SGK1: variants seen among roughly 807,000 people sequenced by gnomAD.
The protein encoded by SGK1 is serine/threonine-protein kinase Sgk1.
Under a neutral mutation model 64.2 loss-of-function variants are expected in SGK1, and 26 were observed. The observed-to-expected ratio is 0.40, with a 90% CI of 0.30 to 0.56. The LOEUF (loss-of-function observed/expected upper bound fraction) is 0.56, where lower values mean the gene tolerates loss of function less well. Ranked by LOEUF, SGK1 falls within the 20% of genes least tolerant of loss-of-function variation. The probability of loss-of-function intolerance (pLI) is 0.38; values close to 1 mark genes in which losing one functional copy is unlikely to be tolerated. For synonymous variants in SGK1, 265 were observed against 239.7 expected (o/e 1.11, Z -0.98); for missense variants, 519 against 645.6 (o/e 0.80, Z 2.12).
intron 5 of SGK1, 131 bp downstream of exon 5, chr6:134,173,874 T>C (rs1394893896): frequency 2.9e-6 from 2 of 682,326 alleles, no homozygotes; most frequent in African/African-American, 3.6e-5. Flanking sequence ...TTATATCACT[T>C]GTTATGCCAT....
chr6:134,278,301 A>G (rs1301966851), intron 1 of SGK1, among the ~76,000 whole-genome samples: 1 of 152,284 alleles, frequency 6.6e-6, no homozygotes, highest in Non-Finnish European at 1.5e-5. Flanking sequence ...AAGGCTTTTA[A>G]GATAATTTTA....
intron 3 of SGK1, among the ~76,000 whole-genome samples, chr6:134,181,171 G>A (rs1261336957): frequency 6.6e-6 from 1 of 152,092 alleles, no homozygotes; most frequent in African/African-American, 2.4e-5. Flanking sequence ...TAACTGACAC[G>A]AAGGCAATAT....
intron 3 of SGK1, among the ~76,000 whole-genome samples, chr6:134,189,885 T>C (rs180853134): frequency 6.6e-6 from 1 of 152,368 alleles, no homozygotes; most frequent in African/African-American, 2.4e-5. Flanking sequence ...AGTCTCACTC[T>C]GTCACCCAGG....
At chr6:134,170,718 G>A (rs1029352395) in intron 13 of SGK1, 108 bp downstream of exon 13, 9 of 807,676 alleles carry the variant, frequency 1.1e-5, no homozygotes, top group African/African-American at 3.4e-5. Flanking sequence ...CAGGTTTATG[G>A]AGAAAACATC....
At chr6:134,295,208 ATGGT>A (rs755284477) in intron 1 of SGK1, among the ~76,000 whole-genome samples, 141 of 152,270 alleles carry the variant, frequency 9.3e-4, no homozygotes, top group Non-Finnish European at 1.9e-3. Flanking sequence ...GCTATTCTGC[ATGGT>A]TGGAGAATGG....
At chr6:134,269,017 A>T (rs1475587653) in intron 1 of SGK1, among the ~76,000 whole-genome samples, 3 of 146,206 alleles carry the variant, frequency 2.1e-5, no homozygotes, top group African/African-American at 7.4e-5. Context: ...GATTAAAGAG[A>T]TTGGCTGGCT....
chr6:134,196,482 A>T (rs1416895635), intron 3 of SGK1, among the ~76,000 whole-genome samples: 1 of 151,486 alleles, frequency 6.6e-6, no homozygotes, highest in African/African-American at 2.4e-5. Context: ...AATTAAAATA[A>T]TAATAATAAA....
chr6:134,293,054 T>C (rs1272966033), intron 1 of SGK1, among the ~76,000 whole-genome samples: 1 of 152,224 alleles, frequency 6.6e-6, no homozygotes, highest in Non-Finnish European at 1.5e-5. Context: ...TGTTTTCATC[T>C]GTGTGCCATA....
intron 1 of SGK1, among the ~76,000 whole-genome samples, chr6:134,314,177 A>G (rs1358269006): frequency 6.7e-6 from 1 of 148,608 alleles, no homozygotes; most frequent in Non-Finnish European, 1.5e-5. Context: ...AATCCAAAGG[A>G]TTTTGTAGAA....
intron 2 of SGK1, among the ~76,000 whole-genome samples, chr6:134,248,445 CTTT>C (rs34315643): frequency 3.9e-3 from 406 of 102,986 alleles, no homozygotes; most frequent in Middle Eastern, 0.016. Flanking sequence ...TCTCCTCCGC[CTTT>C]TTTTTTTTTT....
Position 134,318,112 on chromosome 6 carries a change from T to C in SGK1, c.-652A>G, listed in dbSNP as rs1777715671. The C allele has an allele frequency of 6.6e-6, 1 of 151,426 alleles. No homozygotes were observed. The highest frequency in any genetic ancestry group is 2.4e-5 in the African/African-American group (1 of 41,186). 9.4% of individuals were successfully genotyped at this position (151,426 alleles called of 1,614,324 possible). On this transcript the variant is annotated 5_prime_UTR_variant, in exon 1 of 14. Coordinates refer to ENST00000367858, the MANE Select transcript of SGK1 (RefSeq NM_001143676.3). ...GGCTCAGGGCACACTGAAGAGCAGTTGACTCCCCTTGGGAGGGTTACTTTA... is the reference window on the plus strand; with the variant it reads ...GGCTCAGGGCACACTGAAGAGCAGTCGACTCCCCTTGGGAGGGTTACTTTA...
intron 2 of SGK1, chr6:134,259,751 G>A (rs1776735844): frequency 1.3e-5 from 2 of 152,198 alleles, no homozygotes; most frequent in African/African-American, 4.8e-5. Context: ...TAGATAAAAA[G>A]TTGACTCTAT....
At chr6:134,247,094 T>C (rs766808843) in intron 2 of SGK1, among the ~76,000 whole-genome samples, 2 of 152,116 alleles carry the variant, frequency 1.3e-5, no homozygotes, top group Non-Finnish European at 2.9e-5. Flanking sequence ...TTGTTCTTAC[T>C]GTCCCTTCTA....
Position 134,218,989 on chromosome 6 carries a change from G to GC in SGK1, c.286-11559_286-11558insG, listed in dbSNP as rs917983901. 1.2e-4 allele frequency among the ~76,000 whole-genome samples: 18 copies of GC among 151,082 alleles called. 1 individual carries two copies. Among genetic ancestry groups the GC allele is most frequent in the Middle Eastern group, 6.8e-3 (2 of 294 alleles). On this transcript the variant is annotated intron_variant, in intron 2 of 13. Transcript: ENST00000367858. Reference sequence around the variant, plus strand: ...CTAAAATGGCTGTTTTTTTGTTTTTGTTTTTGTTTTTGTGACAGAGTCTTG... The same window carrying GC: ...CTAAAATGGCTGTTTTTTTGTTTTTGCTTTTTGTTTTTGTGACAGAGTCTTG...
At chr6:134,267,615 A>G (rs1426053701) in intron 1 of SGK1, among the ~76,000 whole-genome samples, 1 of 152,194 alleles carries the variant, frequency 6.6e-6, no homozygotes, top group East Asian at 1.9e-4. Context: ...TTAAAGGGAC[A>G]TACTATTTAT....
At chr6:134,172,376 T>A in intron 9 of SGK1, 60 bp from the exon 10 acceptor site, 1 of 1,521,990 alleles carries the variant, frequency 6.6e-7, no homozygotes. Flanking sequence ...TAAGATATCC[T>A]CTTAAAGATA....
chr6:134,224,867 A>G (rs566723399), intron 2 of SGK1, among the ~76,000 whole-genome samples: 90 of 151,834 alleles, frequency 5.9e-4, no homozygotes, highest in Non-Finnish European at 9.9e-4. Context: ...TAAAAACACA[A>G]AAAATTAGCC....
At chr6:134,204,472 GA>G (rs71003675) in intron 3 of SGK1, among the ~76,000 whole-genome samples, 82,698 of 114,692 alleles carry the variant, frequency 0.72, 31,927 homozygotes, top group South Asian at 0.9. Flanking sequence ...TCCATCTCAG[GA>G]AAAAAAAAAA....
intron 1 of SGK1, among the ~76,000 whole-genome samples, chr6:134,310,382 AT>A (rs1777592174): frequency 6.6e-6 from 1 of 152,120 alleles, no homozygotes; most frequent in Non-Finnish European, 1.5e-5. Context: ...ACTGAGACTA[AT>A]TCCCCAGCAC....
Sources: allele counts gnomAD v4.1 joint callset (sites outside exome capture counted in the v4.1 genomes callset), GRCh38; gene constraint gnomAD v4.1.1; transcripts MANE v1.5; gene names NCBI Gene and HGNC (gene_info 2026-07-23, HGNC 2026-07-21).